IGF2R: variants seen among roughly 807,000 people sequenced by gnomAD.
IGF2R encodes insulin like growth factor 2 receptor.
Under a neutral mutation model 270.6 loss-of-function variants are expected in IGF2R, and 91 were observed. The ratio of observed to expected loss-of-function variants is 0.34; its 90% confidence interval spans 0.28 to 0.40. The LOEUF (loss-of-function observed/expected upper bound fraction) is 0.40, where lower values mean the gene tolerates loss of function less well. Among genes scored for constraint, IGF2R ranks in the 10% least tolerant of loss-of-function variants. The pLI is 1.00. For missense variants in IGF2R, 2,805 were observed against 3,188.3 expected (o/e 0.88, Z 2.90); for synonymous variants, 1,316 against 1,258.9 (o/e 1.05, Z -0.96).
rs766448582 is a variant in IGF2R, at chr6:160,009,130, C to A, written c.410C>A (p.Thr137Asn). ...QSSIAFLCGK[T>N]LGTPEFVTAT... ...AGCATTGCCTTCCTGTGTGGGAAAACCCTGGTGAGTCCACACAGGCACTTG... is the reference window on the plus strand; with the variant it reads ...AGCATTGCCTTCCTGTGTGGGAAAAACCTGGTGAGTCCACACAGGCACTTG... The change falls in exon 3 of 48, where the codon ACC becomes AAC. Residue 137 changes from threonine (T) to asparagine (N), a missense_variant. Around this residue, in one of 2 missense-constraint regions of IGF2R, gnomAD observed 954 missense variants for 981.1 expected, o/e 0.97. Coordinates refer to ENST00000356956, the MANE Select transcript of IGF2R (RefSeq NM_000876.4). 1.2e-6 allele frequency: 2 copies of A among 1,613,334 alleles called. No homozygotes were observed. Among genetic ancestry groups the A allele is most frequent in the East Asian group, 2.2e-5 (1 of 44,832 alleles).
At chr6:159,991,853 G>C (rs945473072) in intron 2 of IGF2R, among the ~76,000 whole-genome samples, 1 of 152,174 alleles carries the variant, frequency 6.6e-6, no homozygotes, top group Admixed American at 6.5e-5. Context: ...TCTTTCCTAG[G>C]GTTCGTTTCA....
rs949480514 is a variant in IGF2R at position 160,098,062 on chromosome 6, TA to T, written c.6842+1441del. Among the ~76,000 whole-genome samples the T allele has an allele frequency of 1.6e-4, 25 of 152,256 alleles. 1 individual carries two copies. Among genetic ancestry groups the T allele is most frequent in the African/African-American group, 6.0e-4 (25 of 41,560 alleles). ...GCAAAATGTGAATTTTTATAAAAGATAAAACCCAGAAGTGAACTTTCCCTGC... is the reference window on the plus strand; with the variant it reads ...GCAAAATGTGAATTTTTATAAAAGATAAACCCAGAAGTGAACTTTCCCTGC... On this transcript the variant is annotated intron_variant, in intron 45 of 47. Coordinates refer to ENST00000356956, the MANE Select transcript of IGF2R (RefSeq NM_000876.4).
At chr6:159,994,677 C>T (rs1244798248) in intron 2 of IGF2R, among the ~76,000 whole-genome samples, 1 of 152,106 alleles carries the variant, frequency 6.6e-6, no homozygotes, top group South Asian at 2.1e-4. Flanking sequence ...TTTTACATTT[C>T]ATCCTAACTT....
rs376444005 is a variant in IGF2R at position 160,096,500 on chromosome 6, T to G, written c.6717T>G (p.Ser2239=). 1.2e-6 allele frequency: 2 copies of G among 1,614,198 alleles called. No individual in the cohort carries two copies. Among genetic ancestry groups the G allele is most frequent in the East Asian group, 4.5e-5 (2 of 44,884 alleles). Reference sequence around the variant, plus strand: ...AGTGCGGAAAGGATAAGACCAAGTCTGTTTCTTCCACCATCTTCTTCCACT... The same window carrying G: ...AGTGCGGAAAGGATAAGACCAAGTCGGTTTCTTCCACCATCTTCTTCCACT... ...SSKCGKDKTK[S]VSSTIFFHCD... Residue 2239 remains serine (S), a synonymous_variant, in exon 45 of 48, where the codon TCT becomes TCG. Transcript: ENST00000356956.
rs1777732076 is a variant in IGF2R, at chr6:160,033,012, G to C, written c.1116G>C (p.Gln372His). 1 of 1,606,860 alleles carries C rather than the reference G, an allele frequency of 6.2e-7. No homozygotes were observed. The highest frequency in any genetic ancestry group is 1.7e-5 in the Admixed American group (1 of 59,986). Residue 372 changes from glutamine to histidine, a missense_variant, in exon 9 of 48, where the codon CAG (glutamine) becomes CAC (histidine). This residue lies in a region of IGF2R where 954 missense variants were observed against 981.1 expected (regional missense o/e 0.97). Transcript: ENST00000356956. Reference protein sequence around the residue: ...YLNVCGETEIQFCNKKQAAVC... With the variant: ...YLNVCGETEIHFCNKKQAAVC... ...ATGTCTGTGGAGAAACTGAAATACAGTTCTGTAATAAAAAACAAGCTGCAG... is the reference window on the plus strand; with the variant it reads ...ATGTCTGTGGAGAAACTGAAATACACTTCTGTAATAAAAAACAAGCTGCAG...
At chr6:159,971,948 T>G (rs959163060) in intron 1 of IGF2R, among the ~76,000 whole-genome samples, 1 of 152,204 alleles carries the variant, frequency 6.6e-6, no homozygotes, top group South Asian at 2.1e-4. Context: ...TGAGGCACCA[T>G]GCTGGGTTTA....
In IGF2R at chr6:160,086,054, C is replaced by G. The variant is rs565683017; in HGVS notation, c.6205+923C>G. Among the ~76,000 whole-genome samples the G allele has an allele frequency of 2.0e-5, 3 of 152,324 alleles. No homozygotes were observed. In the East Asian group the frequency reaches 5.8e-4, roughly 29 times the overall value. Reference sequence around the variant, plus strand: ...ATATATGGATATTCGACTAGTCTTTCCCCAACTTCAGCCAACTGAAATGAC... The same window carrying G: ...ATATATGGATATTCGACTAGTCTTTGCCCAACTTCAGCCAACTGAAATGAC... On this transcript the variant is annotated intron_variant, in intron 41 of 47. Coordinates refer to ENST00000356956, the MANE Select transcript of IGF2R (RefSeq NM_000876.4).
intron 1 of IGF2R, among the ~76,000 whole-genome samples, chr6:159,986,290 G>A (rs1302754154): frequency 1.3e-5 from 2 of 150,544 alleles, no homozygotes; most frequent in African/African-American, 4.9e-5. Context: ...GGAGTGCAGT[G>A]GTGCGATCTC....
chr6:160,021,506 A>G (rs990674271), intron 4 of IGF2R, among the ~76,000 whole-genome samples: 26 of 151,238 alleles, frequency 1.7e-4, no homozygotes, highest in African/African-American at 6.1e-4. Flanking sequence ...TGACGAGTTA[A>G]TGGGTTCAGC....
intron 29 of IGF2R, 147 bp downstream of exon 29, chr6:160,065,048 G>C: frequency 1.6e-6 from 1 of 630,654 alleles, no homozygotes. Flanking sequence ...GAGGAGTCGG[G>C]CTAGGTTAAC....
intron 45 of IGF2R, 56 bp downstream of exon 45, chr6:160,096,681 A>G: frequency 7.2e-7 from 1 of 1,388,648 alleles, no homozygotes; most frequent in South Asian, 1.3e-5. Context: ...CCTTAAGAAT[A>G]AGTGTATGTG....
rs779227221 is a variant in IGF2R at position 160,044,668 on chromosome 6, TA to T, written c.1765+17del. The stretch of plus-strand genomic sequence containing the variant: ...TTGTATGCAAGCCAGGTAAAAATTT[TA>T]AAAAAGATGAAATCTTTTCTGGCTT... On this transcript the variant is annotated intron_variant, in intron 13 of 47. Coordinates refer to ENST00000356956, the MANE Select transcript of IGF2R (RefSeq NM_000876.4). The T allele has an allele frequency of 6.3e-7, 1 of 1,591,724 alleles. No homozygotes were observed. The highest frequency in any genetic ancestry group is 8.5e-7 in the Non-Finnish European group (1 of 1,172,616).
At chr6:160,071,570 A>T (rs1778738999) in intron 31 of IGF2R, among the ~76,000 whole-genome samples, 1 of 152,066 alleles carries the variant, frequency 6.6e-6, no homozygotes, top group Non-Finnish European at 1.5e-5. Flanking sequence ...TTTATCAATG[A>T]TTTACACATT....
At chr6:160,091,640 G>T (rs145912827) in intron 44 of IGF2R, among the ~76,000 whole-genome samples, 1 of 152,238 alleles carries the variant, frequency 6.6e-6, no homozygotes, top group African/African-American at 2.4e-5. Flanking sequence ...CTAGCACTCT[G>T]TGTTTCTCTG....
At chr6:159,983,910 G>T (rs1313142089) in intron 1 of IGF2R, among the ~76,000 whole-genome samples, 2 of 152,236 alleles carry the variant, frequency 1.3e-5, no homozygotes, top group Non-Finnish European at 2.9e-5. Context: ...GGTATGGGAA[G>T]AGAGGTTGTG....
At chr6:160,103,491 G>T (rs950983521) in intron 46 of IGF2R, among the ~76,000 whole-genome samples, 7 of 152,154 alleles carry the variant, frequency 4.6e-5, no homozygotes, top group African/African-American at 1.7e-4. Flanking sequence ...AAAAGTCCTT[G>T]CCCTAATGTT....
chr6:160,033,836 T>C (rs1777753546), intron 9 of IGF2R, among the ~76,000 whole-genome samples: 1 of 152,244 alleles, frequency 6.6e-6, no homozygotes, highest in African/African-American at 2.4e-5. Flanking sequence ...ACATTTCTTT[T>C]GACCCTTAAC....
Position 160,104,672 on chromosome 6 carries a change from A to G in IGF2R, c.7066-2A>G. On this transcript the variant is annotated splice_acceptor_variant, in intron 47 of 47. Transcript: ENST00000356956. LOFTEE classifies it high-confidence loss of function. The stretch of plus-strand genomic sequence containing the variant: ...GTGGTCTCTGCTGTTGATCCCTGGC[A>G]GGTGAATAAGGAAGAAGAGACAGAT... 1 of 1,610,014 alleles carries G rather than the reference A, an allele frequency of 6.2e-7. No individual in the cohort carries two copies. Among genetic ancestry groups the G allele is most frequent in the Admixed American group, 1.7e-5 (1 of 59,818 alleles).
At position 160,050,988 on chromosome 6, in the gene IGF2R, G is replaced by A. The variant is rs143037336; in HGVS notation, c.2694+336G>A. 3.3e-4 allele frequency among the ~76,000 whole-genome samples: 50 copies of A among 152,288 alleles called. No individual in the cohort carries two copies. The highest frequency in any genetic ancestry group is 1.2e-3 in the African/African-American group (48 of 41,578). ...TTGAGGATCGTGGCAGTGGAACGGGGCTTAGAGATAGTTTGGTCCTGTAGG... is the reference window on the plus strand; with the variant it reads ...TTGAGGATCGTGGCAGTGGAACGGGACTTAGAGATAGTTTGGTCCTGTAGG... On this transcript the variant is annotated intron_variant, in intron 19 of 47. Coordinates refer to ENST00000356956, the MANE Select transcript of IGF2R (RefSeq NM_000876.4). The surrounding 1 kb of genome is among the most constrained non-coding windows in gnomAD (Gnocchi z 4.0).
Sources: allele counts gnomAD v4.1 joint callset (sites outside exome capture counted in the v4.1 genomes callset), GRCh38; gene constraint gnomAD v4.1.1; regional missense constraint gnomAD v4.1.1; non-coding constraint Gnocchi (gnomAD v3.1); transcripts MANE v1.5; gene names NCBI Gene and HGNC (gene_info 2026-07-23, HGNC 2026-07-21).